EFCAB6: variants seen among roughly 807,000 people sequenced by gnomAD.
EFCAB6 encodes EF-hand calcium-binding domain-containing protein 6.
Under a neutral mutation model 169.8 loss-of-function variants are expected in EFCAB6, and 156 were observed. That is an observed-to-expected ratio of 0.92 (90% CI 0.81 to 1.05). The LOEUF is 1.05. Among genes scored for constraint, EFCAB6 ranks in the 50% least tolerant of loss-of-function variants. The pLI is 0.00. For missense variants in EFCAB6, 1,800 were observed against 1,829.1 expected, an observed-to-expected ratio of 0.98 and a Z score of 0.29; for synonymous variants, 698 against 676.4, an observed-to-expected ratio of 1.03 and a Z score of -0.50.
rs749308269 is a variant in EFCAB6, at chr22:43,534,754, G to A, written c.4167C>T (p.Val1389=). The A allele has an allele frequency of 1.2e-6, 2 of 1,613,898 alleles. No individual in the cohort carries two copies. Among genetic ancestry groups the A allele is most frequent in the South Asian group, 2.2e-5 (2 of 91,002 alleles). ...FAYCDFIQSC[V]LLLKAKESSL... The stretch of plus-strand genomic sequence containing the variant: ...AGCTTTCCTTTGCTTTTAGCAGGAG[G>A]ACACAGCTCTGAATGAAGTCACAGT... The change falls in exon 30 of 32, where the codon GTC becomes GTT. Residue 1389 remains valine (V), a synonymous_variant. Coordinates refer to ENST00000262726, the MANE Select transcript of EFCAB6 (RefSeq NM_022785.4).
At chr22:43,778,361 A>C (rs1420399078) in intron 3 of EFCAB6, among the ~76,000 whole-genome samples, 1 of 152,218 alleles carries the variant, frequency 6.6e-6, no homozygotes, top group Non-Finnish European at 1.5e-5. Context: ...AGCATGGCAC[A>C]CGAGGTTTTG....
At chr22:43,772,420 A>C (rs2061500492) in intron 4 of EFCAB6, among the ~76,000 whole-genome samples, 1 of 152,178 alleles carries the variant, frequency 6.6e-6, no homozygotes, top group African/African-American at 2.4e-5. Flanking sequence ...CAGGCAGATC[A>C]CCTGAGGTCA....
Position 43,744,369 on chromosome 22 carries a change from A to T in EFCAB6, c.508-8376T>A, listed in dbSNP as rs1340967930. Among the ~76,000 whole-genome samples the T allele has an allele frequency of 6.6e-6, 1 of 152,170 alleles. No homozygotes were observed. The highest frequency in any genetic ancestry group is 1.5e-5 in the Non-Finnish European group (1 of 68,038). On this transcript the variant is annotated intron_variant, in intron 6 of 31. Coordinates refer to ENST00000262726, the MANE Select transcript of EFCAB6 (RefSeq NM_022785.4). The surrounding 1 kb of genome is among the most constrained non-coding windows in gnomAD (Gnocchi z 4.3). ...AGACAAGCATCTCATTTCCCAGTGGATTCAGTGATCTGCTCTGCACCTACC... is the reference window on the plus strand; with the variant it reads ...AGACAAGCATCTCATTTCCCAGTGGTTTCAGTGATCTGCTCTGCACCTACC...
intron 17 of EFCAB6, among the ~76,000 whole-genome samples, chr22:43,637,438 AACAG>A (rs2055493334): frequency 6.6e-6 from 1 of 152,242 alleles, no homozygotes; most frequent in Admixed American, 6.5e-5. Flanking sequence ...CTATGTAAAT[AACAG>A]ACAGTCTGAT....
At chr22:43,725,447 A>G (rs5764249) in intron 8 of EFCAB6, among the ~76,000 whole-genome samples, 115,725 of 152,106 alleles carry the variant, frequency 0.76, 44,170 homozygotes, top group East Asian at 0.86. Context: ...GGCCCAAACT[A>G]GCTTTTATAA....
At chr22:43,746,393 G>A (rs777725878) in intron 6 of EFCAB6, among the ~76,000 whole-genome samples, 54 of 152,330 alleles carry the variant, frequency 3.5e-4, no homozygotes, top group Non-Finnish European at 7.2e-4. Context: ...ACACAATGAA[G>A]CAAAACTCTG....
intron 24 of EFCAB6, among the ~76,000 whole-genome samples, chr22:43,587,679 T>C (rs2051169568): frequency 6.6e-6 from 1 of 152,198 alleles, no homozygotes; most frequent in Admixed American, 6.5e-5. Context: ...CATCTTCCCT[T>C]CTCCAGGTCC....
At chr22:43,772,858 T>C (rs1031126247) in intron 4 of EFCAB6, 34 bp downstream of exon 4, 1 of 1,608,330 alleles carries the variant, frequency 6.2e-7, no homozygotes, top group Non-Finnish European at 8.5e-7. Flanking sequence ...TTGTCTGGAA[T>C]TGAGGGATTC....
At chr22:43,590,253 A>G (rs369440069) in intron 23 of EFCAB6, 24 bp from the exon 24 acceptor site, 4 of 1,601,340 alleles carry the variant, frequency 2.5e-6, no homozygotes, top group Non-Finnish European at 1.7e-6. Context: ...CATTGCAGAC[A>G]TACCCTAAAA....
At chr22:43,714,887 C>T (rs1249318643) in intron 9 of EFCAB6, among the ~76,000 whole-genome samples, 1 of 152,162 alleles carries the variant, frequency 6.6e-6, no homozygotes, top group East Asian at 1.9e-4. Context: ...GCTGCACTAT[C>T]GTGATGCACA....
intron 21 of EFCAB6, among the ~76,000 whole-genome samples, chr22:43,610,267 T>C (rs771684151): frequency 8.5e-5 from 13 of 152,186 alleles, no homozygotes; most frequent in Non-Finnish European, 1.6e-4. Context: ...CACACGTCAC[T>C]TACAAAACAG....
In EFCAB6 at chr22:43,554,984, T is replaced by G. The variant is rs2048617143; in HGVS notation, c.3533A>C (p.Tyr1178Ser). 2 of 1,614,036 alleles carry G rather than the reference T, an allele frequency of 1.2e-6. No individual in the cohort carries two copies. The highest frequency in any genetic ancestry group is 1.7e-6 in the Non-Finnish European group (2 of 1,180,044). Residue 1178 changes from tyrosine (Y) to serine (S), a missense_variant, in exon 27 of 32, where the codon TAC becomes TCC. Tyr to Ser is a moderately radical substitution (Grantham distance 144). Coordinates refer to ENST00000262726, the MANE Select transcript of EFCAB6 (RefSeq NM_022785.4). Reference protein sequence around the residue: ...ARLHKAVTSHYHAITQEFENF... With the variant: ...ARLHKAVTSHSHAITQEFENF... Reference sequence around the variant, plus strand: ...CTCAAACTCCTGGGTGATGGCATGGTAATGGGAAGTCACTGCTTTGTGGAG... The same window carrying G: ...CTCAAACTCCTGGGTGATGGCATGGGAATGGGAAGTCACTGCTTTGTGGAG...
chr22:43,703,647 A>C (rs920265259), intron 10 of EFCAB6, among the ~76,000 whole-genome samples: 1 of 152,152 alleles, frequency 6.6e-6, no homozygotes, highest in Non-Finnish European at 1.5e-5. Context: ...AGGTTTGACA[A>C]AGAAATAGAA....
intron 2 of EFCAB6, among the ~76,000 whole-genome samples, chr22:43,784,633 G>GTGTATGTATACACATA (rs769950101): frequency 1.6e-5 from 1 of 64,110 alleles, no homozygotes; most frequent in East Asian, 3.1e-4. Flanking sequence ...ACATATATAT[G>GTGTATGTATACACATA]TATATGTACA....
chr22:43,544,072 C>T lies in EFCAB6; in HGVS notation c.3649-3715G>A, dbSNP rs146334357. On this transcript the variant is annotated intron_variant, in intron 27 of 31. Transcript: ENST00000262726. ...GAACCCACACAACTACTTCTTCACT[C>T]CACTCCTCCCTCCCCAGCCTCCCCC... 8.4e-3 allele frequency among the ~76,000 whole-genome samples: 1,273 copies of T among 152,134 alleles called. 10 individuals are homozygous for T. Among genetic ancestry groups the T allele is most frequent in the Middle Eastern group, 0.034 (10 of 294 alleles).
chr22:43,618,224 G>C (rs527413254), intron 20 of EFCAB6, among the ~76,000 whole-genome samples: 1 of 140,438 alleles, frequency 7.1e-6, no homozygotes, highest in African/African-American at 2.6e-5. Context: ...GAAAGAAAGA[G>C]AAAGAAAGAA....
intron 6 of EFCAB6, among the ~76,000 whole-genome samples, chr22:43,755,393 G>A (rs1035381929): frequency 1.3e-5 from 2 of 152,148 alleles, no homozygotes; most frequent in African/African-American, 4.8e-5. Flanking sequence ...TTTTTACTAT[G>A]CAGCTCTTGA....
intron 22 of EFCAB6, among the ~76,000 whole-genome samples, chr22:43,604,854 T>C (rs932171258): frequency 1.3e-5 from 2 of 152,222 alleles, no homozygotes; most frequent in Non-Finnish European, 2.9e-5. Flanking sequence ...TTCTGGCAGG[T>C]CTGCTTGGCT....
intron 3 of EFCAB6, among the ~76,000 whole-genome samples, chr22:43,773,913 A>T (rs1224042569): frequency 1.3e-5 from 2 of 152,174 alleles, no homozygotes; most frequent in Non-Finnish European, 2.9e-5. Context: ...TTTTGGAAGG[A>T]AAGGAATAAT....
Sources: allele counts gnomAD v4.1 joint callset (sites outside exome capture counted in the v4.1 genomes callset), GRCh38; gene constraint gnomAD v4.1.1; non-coding constraint Gnocchi (gnomAD v3.1); transcripts MANE v1.5; gene names NCBI Gene and HGNC (gene_info 2026-07-23, HGNC 2026-07-21).